Variants in IDH3B observed in about 807,000 individuals in gnomAD.
IDH3B encodes isocitrate dehydrogenase (NAD(+)) 3 non-catalytic subunit beta, also known as isocitrate dehydrogenase [NAD] subunit beta, mitochondrial.
Under a neutral mutation model 47.5 loss-of-function variants are expected in IDH3B, and 40 were observed. The observed-to-expected ratio is 0.84, with a 90% CI of 0.65 to 1.10. IDH3B has a LOEUF of 1.10. IDH3B is among the 50% of genes least tolerant of loss of function. IDH3B has a pLI of 0.00. For synonymous variants in IDH3B, 185 were observed against 191.0 expected (o/e 0.97, Z 0.26); for missense variants, 450 against 505.2 (o/e 0.89, Z 1.05).
In IDH3B at chr20:2,664,154, C is replaced by G. The variant is rs781775926; in HGVS notation, c.35G>C (p.Arg12Pro). The G allele has an allele frequency of 2.5e-6, 4 of 1,613,476 alleles. No individual in the cohort carries two copies. Among genetic ancestry groups the G allele is most frequent in the Non-Finnish European group, 3.4e-6 (4 of 1,179,816 alleles). The change falls in exon 1 of 12, where the codon CGA (arginine) becomes CCA (proline). Residue 12 changes from arginine (R) to proline (P), a missense_variant and splice_region_variant. Coordinates refer to ENST00000380843, the MANE Select transcript of IDH3B (RefSeq NM_006899.5). Reference sequence around the variant, plus strand: ...GCCCGACATGTCCCGGGGCCTCACTCGGGTCAGCCAGCGGACTCCGCTCAA... The same window carrying G: ...GCCCGACATGTCCCGGGGCCTCACTGGGGTCAGCCAGCGGACTCCGCTCAA... Reference protein sequence around the residue: ...AALSGVRWLTRALVSAGNPGA... With the variant: ...AALSGVRWLTPALVSAGNPGA...
chr20:2,663,540 C>G lies in IDH3B; in HGVS notation c.243G>C (p.Gln81His). Residue 81 changes from glutamine to histidine, a missense_variant, in exon 4 of 12, where the codon CAG becomes CAC. Coordinates refer to ENST00000380843, the MANE Select transcript of IDH3B (RefSeq NM_006899.5). ...FKAAAVPVEF[Q>H]EHHLSEVQNM... is the part of the protein sequence containing the mutation. The stretch of plus-strand genomic sequence containing the variant: ...TCTGCACCTCACTCAGGTGGTGCTC[C>G]TGGAACTCCACTGGGACAGCGGCAG... 1 of 1,614,210 alleles carries G rather than the reference C, an allele frequency of 6.2e-7. No individual in the cohort carries two copies. The highest frequency in any genetic ancestry group is 8.5e-7 in the Non-Finnish European group (1 of 1,180,034).
chr20:2,659,747 T>C lies in IDH3B; in HGVS notation c.962A>G (p.Asn321Ser). Residue 321 changes from asparagine (N) to serine (S), a missense_variant, in exon 10 of 12, where the codon AAT (asparagine) becomes AGT (serine). Asn to Ser is a conservative substitution (Grantham distance 46). Transcript: ENST00000380843. ...AGCCGACAGCAGCATGGCCGTGGGA[T>C]TGGCTATATTCCTGCCCACTGCCTG... The part of the protein sequence containing the change: ...FAQAVGRNIA[N>S]PTAMLLSASN... 6.2e-7 allele frequency: 1 copy of C among 1,614,110 alleles called. No homozygotes were observed. Among genetic ancestry groups the C allele is most frequent in the Non-Finnish European group, 8.5e-7 (1 of 1,179,990 alleles).
intron 2 of IDH3B, 59 bp downstream of exon 2, chr20:2,663,866 A>G: frequency 6.3e-7 from 1 of 1,596,466 alleles, no homozygotes; most frequent in Non-Finnish European, 8.6e-7. Flanking sequence ...AAGCCAGGGG[A>G]GGGAGCAGCG....
intron 11 of IDH3B, chr20:2,659,180 A>G: frequency 7.0e-7 from 1 of 1,435,230 alleles, no homozygotes; most frequent in Non-Finnish European, 9.1e-7. Flanking sequence ...TGGGGCGTGA[A>G]GGTGAAGCTG....
rs767868389 is a variant in IDH3B at position 2,664,199 on chromosome 20, G to A, written c.-11C>T. On this transcript the variant is annotated 5_prime_UTR_variant, in exon 1 of 12. Transcript: ENST00000380843. Reference sequence around the variant, plus strand: ...GCTCAATGCCGCCATGTTTCCCGCAGGAAGTCGCGTGGGAAGTGACGCCTG... The same window carrying A: ...GCTCAATGCCGCCATGTTTCCCGCAAGAAGTCGCGTGGGAAGTGACGCCTG... 1 of 1,612,856 alleles carries A rather than the reference G, an allele frequency of 6.2e-7. No homozygotes were observed. Among genetic ancestry groups the A allele is most frequent in the Non-Finnish European group, 8.5e-7 (1 of 1,179,656 alleles).
rs977278248 is a variant in IDH3B at position 2,660,362 on chromosome 20, T to C, written c.669A>G (p.Lys223=). ...ACTGCAGGAACAACCCATCCCCAAG[T>C]TTCCTGTCCATGGGCCAAAGGGGAC... The part of the protein sequence containing the change: ...VTAVHKANIM[K]LGDGLFLQCC... Residue 223 remains lysine (K), a synonymous_variant, in exon 8 of 12, where the codon AAA becomes AAG. Transcript: ENST00000380843. This position sits in a 1 kb window ranked among gnomAD's most constrained non-coding sequence, Gnocchi z 5.6. 3 of 1,613,946 alleles carry C rather than the reference T, an allele frequency of 1.9e-6. No homozygotes were observed. The highest frequency in any genetic ancestry group is 2.5e-6 in the Non-Finnish European group (3 of 1,180,018).
rs753012087 is a variant in IDH3B, at chr20:2,660,439, CA to C, written c.665+17del. ...TACCTTCCCAGGAACCCATCCTACA[CA>C]AAGCCATGCCCCTCACATGATGTTG... On this transcript the variant is annotated intron_variant, in intron 7 of 11. Coordinates refer to ENST00000380843, the MANE Select transcript of IDH3B (RefSeq NM_006899.5). This position sits in a 1 kb window ranked among gnomAD's most constrained non-coding sequence, Gnocchi z 5.6. The C allele has an allele frequency of 1.9e-6, 3 of 1,614,030 alleles. No individual in the cohort carries two copies. The African/African-American group carries it at 4.0e-5, about 22-fold the overall frequency.
At position 2,660,885 on chromosome 20, in the gene IDH3B, AT is replaced by A. The variant is rs1356808565; in HGVS notation, c.398+23del. 1.2e-6 allele frequency: 2 copies of A among 1,614,078 alleles called. No individual in the cohort carries two copies. Among genetic ancestry groups the A allele is most frequent in the Admixed American group, 3.3e-5 (2 of 60,014 alleles). On this transcript the variant is annotated intron_variant, in intron 5 of 11. Coordinates refer to ENST00000380843, the MANE Select transcript of IDH3B (RefSeq NM_006899.5). The surrounding 1 kb of genome is among the most constrained non-coding windows in gnomAD (Gnocchi z 5.6). ...CCTGGTGCCCTGGCACCTCTCAACC[AT>A]TCACCCCACCCAGACCACCTACCTC...
Position 2,658,395 on chromosome 20 carries a change from T to TTGG in IDH3B, c.*353_*355dup. 1 of 1,612,282 alleles carries TTGG rather than the reference T, an allele frequency of 6.2e-7. No homozygotes were observed. The highest frequency in any genetic ancestry group is 1.1e-5 in the South Asian group (1 of 90,618). On this transcript the variant is annotated 3_prime_UTR_variant, in exon 12 of 12. Transcript: ENST00000380843. ...CCCAATAAAAACAAATTCACAAGAG[T>TTGG]TGGTTCATGTTCTTTATTGAACACC... is the stretch of plus-strand genomic sequence containing the variant.
At position 2,659,971 on chromosome 20, in the gene IDH3B, T is replaced by C. The variant is rs914361367; in HGVS notation, c.915+59A>G. ...CACTTAGGAAGTGGAGATATTGGGA[T>C]GGGAGAGGAATGGCGGACTTGAGGT... On this transcript the variant is annotated intron_variant, in intron 9 of 11. Coordinates refer to ENST00000380843, the MANE Select transcript of IDH3B (RefSeq NM_006899.5). 1.0e-5 allele frequency: 16 copies of C among 1,607,206 alleles called. No homozygotes were observed. In the African/African-American group the frequency reaches 1.9e-4, roughly 19 times the overall value.
At chr20:2,662,384 A>C (rs2086963348) in intron 4 of IDH3B, among the ~76,000 whole-genome samples, 1 of 152,236 alleles carries the variant, frequency 6.6e-6, no homozygotes, top group Non-Finnish European at 1.5e-5. Context: ...GGGCCAACTT[A>C]TAAAGTACTG....
intron 4 of IDH3B, among the ~76,000 whole-genome samples, chr20:2,661,398 A>G: frequency 6.6e-6 from 1 of 152,300 alleles, no homozygotes; most frequent in African/African-American, 2.4e-5. Context: ...GTGTCTCACC[A>G]TGTTGGCCAG....
At chr20:2,659,976 G>C in intron 9 of IDH3B, 54 bp downstream of exon 9, 2 of 1,609,540 alleles carry the variant, frequency 1.2e-6, no homozygotes, top group Non-Finnish European at 1.7e-6. Context: ...TGGGATGGGA[G>C]AGGAATGGCG....
chr20:2,662,138 G>A (rs1172019593), intron 4 of IDH3B, among the ~76,000 whole-genome samples: 1 of 152,210 alleles, frequency 6.6e-6, no homozygotes, highest in Non-Finnish European at 1.5e-5. Flanking sequence ...CCAGCACTGT[G>A]AGAGAATACA....
Position 2,663,639 on chromosome 20 carries a change from C to T in IDH3B, c.216+21G>A, listed in dbSNP as rs755998017. The T allele has an allele frequency of 6.2e-6, 10 of 1,614,202 alleles. No individual in the cohort carries two copies. The South Asian group carries it at 1.1e-4, about 18-fold the overall frequency. The stretch of plus-strand genomic sequence containing the variant: ...CCAACACACTACTGTCCTCTACTGT[C>T]TGATCCCCGAGGCCACTCACCTTGA... On this transcript the variant is annotated intron_variant, in intron 3 of 11. Coordinates refer to ENST00000380843, the MANE Select transcript of IDH3B (RefSeq NM_006899.5).
chr20:2,659,387 A>T lies in IDH3B; in HGVS notation c.1071+138T>A, dbSNP rs57362041. On this transcript the variant is annotated intron_variant, in intron 11 of 11. Coordinates refer to ENST00000380843, the MANE Select transcript of IDH3B (RefSeq NM_006899.5). ...TGAAGAACAGCCCTGAGAGGGATGCAGGGATGTCAGGGAGCAGATGTTCTG... is the reference window on the plus strand; with the variant it reads ...TGAAGAACAGCCCTGAGAGGGATGCTGGGATGTCAGGGAGCAGATGTTCTG... 8,128 of 1,553,450 alleles carry T rather than the reference A, an allele frequency of 5.2e-3. 330 individuals are homozygous for T. The African/African-American group carries it at 0.091, about 17-fold the overall frequency.
chr20:2,661,638 T>A (rs567207235), intron 4 of IDH3B, among the ~76,000 whole-genome samples: 1 of 152,318 alleles, frequency 6.6e-6, no homozygotes, highest in African/African-American at 2.4e-5. Flanking sequence ...CAACACCTAC[T>A]GATGAATATC....
rs752596068 is a variant in IDH3B at position 2,663,958 on chromosome 20, G to A, written c.84C>T (p.Thr28=). ...GCGATGCAGCGTGCGCCGCGGCCGA[G>A]GTACTCAGACCTCTCCATGCCCCAG... ...GNPGAWRGLS[T]SAAAHAASRS... The change falls in exon 2 of 12, where the codon ACC becomes ACT. Residue 28 remains threonine (T), a synonymous_variant. Coordinates refer to ENST00000380843, the MANE Select transcript of IDH3B (RefSeq NM_006899.5). 1.2e-6 allele frequency: 2 copies of A among 1,614,118 alleles called. No homozygotes were observed. Among genetic ancestry groups the A allele is most frequent in the South Asian group, 1.1e-5 (1 of 91,082 alleles).
rs2086896908 is a variant in IDH3B, at chr20:2,659,528, G to A, written c.1068C>T (p.Gly356=). 5 of 1,614,072 alleles carry A rather than the reference G, an allele frequency of 3.1e-6. No homozygotes were observed. The highest frequency in any genetic ancestry group is 4.2e-6 in the Non-Finnish European group (5 of 1,179,906). The change falls in exon 11 of 12, where the codon GGC becomes GGT. Residue 356 remains glycine (G), a synonymous_variant. Coordinates refer to ENST00000380843, the MANE Select transcript of IDH3B (RefSeq NM_006899.5). ...ADAVKKVIKV[G]KVRTRDMGGY... ...AGCACTACTCTTCTCAACTCACCTT[G>A]CCAACTTTGATCACCTTCTTCACCG...
Sources: allele counts gnomAD v4.1 joint callset (sites outside exome capture counted in the v4.1 genomes callset), GRCh38; gene constraint gnomAD v4.1.1; non-coding constraint Gnocchi (gnomAD v3.1); transcripts MANE v1.5; gene names NCBI Gene and HGNC (gene_info 2026-07-23, HGNC 2026-07-21).